Variants in CTNNA2 observed in about 807,000 individuals in gnomAD.
The protein encoded by CTNNA2 is catenin alpha-2.
In CTNNA2, 42 loss-of-function variants were observed where a neutral mutation model predicts 101.0. The observed-to-expected ratio is 0.42, with a 90% CI of 0.32 to 0.54. The LOEUF (loss-of-function observed/expected upper bound fraction) is 0.54, where lower values mean the gene tolerates loss of function less well. Among genes scored for constraint, CTNNA2 ranks in the 20% least tolerant of loss-of-function variants. The pLI, the probability that CTNNA2 is intolerant of heterozygous loss-of-function variation, is 0.14. For synonymous variants in CTNNA2, 450 were observed against 456.4 expected, an observed-to-expected ratio of 0.99 and a Z score of 0.18; for missense variants, 871 against 1,223.1, an observed-to-expected ratio of 0.71 and a Z score of 4.29.
At chr2:79,617,651 A>G (rs1328852654) in intron 1 of CTNNA2, among the ~76,000 whole-genome samples, 1 of 152,170 alleles carries the variant, frequency 6.6e-6, no homozygotes, top group Admixed American at 6.5e-5. Flanking sequence ...AATATTTTAG[A>G]AGATTTCAAA....
chr2:80,062,154 CT>C (rs1182679798), intron 7 of CTNNA2, among the ~76,000 whole-genome samples: 1 of 152,200 alleles, frequency 6.6e-6, no homozygotes, highest in Non-Finnish European at 1.5e-5. Context: ...TGAATATTGT[CT>C]TCAGCTTCAC....
chr2:79,582,944 T>C (rs1246922469), intron 1 of CTNNA2, among the ~76,000 whole-genome samples: 3 of 152,152 alleles, frequency 2.0e-5, no homozygotes, highest in Non-Finnish European at 4.4e-5. Flanking sequence ...CCTGTAGTTT[T>C]GTGTATCTCT....
intron 3 of CTNNA2, among the ~76,000 whole-genome samples, chr2:79,774,885 C>T (rs1673849802): frequency 6.6e-6 from 1 of 152,170 alleles, no homozygotes; most frequent in Non-Finnish European, 1.5e-5. Context: ...TTTCTTCTGA[C>T]CTTCAGCATT....
chr2:80,471,945 G>A (rs1685340875), intron 9 of CTNNA2, among the ~76,000 whole-genome samples: 1 of 152,046 alleles, frequency 6.6e-6, no homozygotes, highest in Non-Finnish European at 1.5e-5. Flanking sequence ...GGCCAATGTG[G>A]CGAAACCCCA....
intron 7 of CTNNA2, among the ~76,000 whole-genome samples, chr2:80,158,439 A>G (rs1485145174): frequency 6.6e-6 from 1 of 152,234 alleles, no homozygotes; most frequent in Non-Finnish European, 1.5e-5. Context: ...ACTGTAGTAC[A>G]ATATTCCAAC....
chr2:80,176,890 G>T (rs1407278961), intron 7 of CTNNA2, among the ~76,000 whole-genome samples: 1 of 152,268 alleles, frequency 6.6e-6, no homozygotes, highest in South Asian at 2.1e-4. Context: ...TAGAATCGTT[G>T]TTGTGTCTTC....
In CTNNA2 at chr2:80,149,774, T is replaced by TCTCACA. The variant is rs377159450; in HGVS notation, c.1056+239978_1056+239979insTCACAC. Among the ~76,000 whole-genome samples, 208 of 143,386 alleles carry TCTCACA rather than the reference T, an allele frequency of 1.5e-3. 3 individuals carry two copies. The highest frequency in any genetic ancestry group is 5.0e-3 in the African/African-American group (193 of 38,618). 94.1% of individuals were successfully genotyped at this position (143,386 alleles called of 152,430 possible). A position where few individuals can be genotyped will look rare whatever the true frequency, so the allele number is the denominator to read the frequency against. On this transcript the variant is annotated intron_variant, in intron 7 of 18. Coordinates refer to ENST00000402739, the MANE Select transcript of CTNNA2 (RefSeq NM_001282597.3). ...TCAGGGAATACTCGATTAGAATGGA[T>TCTCACA]CACACACACACACACACACACACAC...
chr2:79,316,864 A>G (rs946720499), intron 3 of CTNNA2, among the ~76,000 whole-genome samples: 2 of 151,794 alleles, frequency 1.3e-5, no homozygotes, highest in Non-Finnish European at 2.9e-5. Context: ...AGACAATTTT[A>G]CTTATTTTCA....
rs70940088 is a variant in CTNNA2, at chr2:80,569,633, G to GTTTTTTTTTTTTTTTTTT, written c.1742-4520_1742-4503dup. ...TCAGTATTACTTTTGGGGTATTTAGGTTTTTTTTTTTTTTTTTTTTTTTTT... is the reference window on the plus strand; with the variant it reads ...TCAGTATTACTTTTGGGGTATTTAGGTTTTTTTTTTTTTTTTTTTTTTTTTTTTTTTTTTTTTTTTTTT... On this transcript the variant is annotated intron_variant, in intron 12 of 18. Transcript: ENST00000402739. Among the ~76,000 whole-genome samples, 210 of 51,696 alleles carry GTTTTTTTTTTTTTTTTTT rather than the reference G, an allele frequency of 4.1e-3. 53 individuals carry two copies. Among genetic ancestry groups the GTTTTTTTTTTTTTTTTTT allele is most frequent in the East Asian group, 6.5e-3 (11 of 1,686 alleles). 33.9% of individuals were successfully genotyped at this position (51,696 alleles called of 152,430 possible).
At chr2:79,377,266 A>T (rs1028750347) in intron 4 of CTNNA2, among the ~76,000 whole-genome samples, 1 of 152,134 alleles carries the variant, frequency 6.6e-6, no homozygotes, top group African/African-American at 2.4e-5. Flanking sequence ...TCATACAAGG[A>T]TATAACCCCA....
Position 79,242,969 on chromosome 2 carries a change from A to AATATATATATATAT in CTNNA2, c.-406+44905_-406+44918dup, listed in dbSNP as rs137898899. On this transcript the variant is annotated intron_variant, in intron 2 of 21. Transcript: ENST00000466387. ...GCAACAAAGTAAGATCCTGTCTCGA[A>AATATATATATATAT]ATATATATATATATATATATATATA... Among the ~76,000 whole-genome samples, 42 of 127,324 alleles carry AATATATATATATAT rather than the reference A, an allele frequency of 3.3e-4. 1 individual carries two copies. Among genetic ancestry groups the AATATATATATATAT allele is most frequent in the African/African-American group, 5.0e-4 (17 of 34,138 alleles). 83.5% of individuals were successfully genotyped at this position (127,324 alleles called of 152,430 possible).
chr2:79,509,583 T>C (rs551308600), upstream of CTNNA2, among the ~76,000 whole-genome samples: 67 of 152,124 alleles, frequency 4.4e-4, no homozygotes, highest in Non-Finnish European at 7.9e-4. Flanking sequence ...AAAACACCAA[T>C]GGTTTCCAGG....
At chr2:80,635,248 A>G (rs1241549077) in intron 18 of CTNNA2, among the ~76,000 whole-genome samples, 2 of 152,158 alleles carry the variant, frequency 1.3e-5, no homozygotes, top group Admixed American at 1.3e-4. Flanking sequence ...AGTGACCAGG[A>G]AAAAAGAAAA....
chr2:79,470,005 A>G (rs916760313), intron 4 of CTNNA2, among the ~76,000 whole-genome samples: 12 of 152,196 alleles, frequency 7.9e-5, no homozygotes, highest in African/African-American at 2.7e-4. Context: ...CTCCTATTCA[A>G]CATAGTGTTG....
intron 7 of CTNNA2, among the ~76,000 whole-genome samples, chr2:79,924,654 C>T (rs1686901079): frequency 1.3e-5 from 2 of 152,064 alleles, no homozygotes; most frequent in South Asian, 4.1e-4. Flanking sequence ...CTAACTTGAC[C>T]AAGGGGTTGA....
chr2:79,985,583 G>A (rs980444199), intron 7 of CTNNA2, among the ~76,000 whole-genome samples: 1 of 152,178 alleles, frequency 6.6e-6, no homozygotes. Flanking sequence ...CTAAACAAAG[G>A]ACATGATGGG....
intron 7 of CTNNA2, among the ~76,000 whole-genome samples, chr2:80,285,065 G>T (rs926082878): frequency 5.3e-5 from 8 of 151,962 alleles, no homozygotes; most frequent in Non-Finnish European, 1.2e-4. Flanking sequence ...TTTTTTTCTG[G>T]AAGTGAAATA....
At chr2:79,438,819 G>T (rs1678746894) in intron 4 of CTNNA2, among the ~76,000 whole-genome samples, 2 of 152,196 alleles carry the variant, frequency 1.3e-5, no homozygotes, top group Admixed American at 6.5e-5. Flanking sequence ...CTGAAAAGAT[G>T]CTCAGTATCA....
chr2:79,918,363 A>T (rs1277806687), intron 7 of CTNNA2, among the ~76,000 whole-genome samples: 1 of 152,204 alleles, frequency 6.6e-6, no homozygotes, highest in Non-Finnish European at 1.5e-5. Context: ...GTGAGGCATT[A>T]GGTGCAAAGA....
Sources: gnomAD v4.1 joint callset for allele counts (sites outside exome capture counted in the v4.1 genomes callset) on GRCh38, gnomAD v4.1.1 for gene constraint, MANE v1.5 for transcripts, NCBI Gene and HGNC (gene_info 2026-07-23, HGNC 2026-07-21) for gene names.